ARL15: variants seen among roughly 807,000 people sequenced by gnomAD.
The protein encoded by ARL15 is ARF like GTPase 15, also known as ADP-ribosylation factor-like protein 15.
In ARL15, 19 loss-of-function variants were observed where a neutral mutation model predicts 25.2. The ratio of observed to expected loss-of-function variants is 0.75; its 90% CI spans 0.53 to 1.10. The LOEUF (loss-of-function observed/expected upper bound fraction) is 1.10, where lower values mean the gene tolerates loss of function less well. ARL15 is among the 50% of genes least tolerant of loss of function. The pLI, the probability that ARL15 is intolerant of heterozygous loss-of-function variation, is 0.00. For synonymous variants in ARL15, 94 were observed against 86.8 expected (o/e 1.08, Z -0.46); for missense variants, 220 against 246.0 (o/e 0.89, Z 0.71).
intron 1 of ARL15, among the ~76,000 whole-genome samples, chr5:54,191,555 T>C (rs1006967808): frequency 2.0e-5 from 3 of 152,136 alleles, no homozygotes; most frequent in African/African-American, 7.2e-5. Context: ...CTCCTGAAAC[T>C]TTCCTCCTTA....
chr5:54,213,102 C>A (rs1756089674), intron 1 of ARL15, among the ~76,000 whole-genome samples: 1 of 152,110 alleles, frequency 6.6e-6, no homozygotes, highest in Non-Finnish European at 1.5e-5. Flanking sequence ...GTGGAGGATT[C>A]CCAGGCAGAA....
At chr5:54,306,631 T>G (rs1476028608) in intron 1 of ARL15, among the ~76,000 whole-genome samples, 1 of 152,188 alleles carries the variant, frequency 6.6e-6, no homozygotes, top group African/African-American at 2.4e-5. Context: ...CCTCAAGTGA[T>G]CCGCCTGTCT....
chr5:54,291,873 G>A (rs923617383), intron 1 of ARL15, among the ~76,000 whole-genome samples: 2 of 152,254 alleles, frequency 1.3e-5, no homozygotes, highest in Non-Finnish European at 2.9e-5. Context: ...CAGACCCTAC[G>A]GAATCTTAAC....
Position 53,922,589 on chromosome 5 carries a change from C to A in ARL15, c.463-35876G>T, listed in dbSNP as rs1473577084. Among the ~76,000 whole-genome samples the A allele has an allele frequency of 2.6e-5, 4 of 152,158 alleles. No homozygotes were observed. The East Asian group carries it at 7.7e-4, about 29-fold the overall frequency. On this transcript the variant is annotated intron_variant, in intron 4 of 4. Coordinates refer to ENST00000504924, the MANE Select transcript of ARL15 (RefSeq NM_019087.3). ...TAGTGCAGTTCTAGAGGCTCTCTAC[C>A]AAGCCAGGAATTACTGCTTTGGTTG... is the stretch of plus-strand genomic sequence containing the variant.
chr5:54,310,359 G>T, intron 1 of ARL15, 73 bp downstream of exon 1: 1 of 1,497,658 alleles, frequency 6.7e-7, no homozygotes, highest in Middle Eastern at 1.7e-4. Context: ...CAAAAAGGCT[G>T]CTCCTCAAGG....
chr5:54,253,205 T>C (rs908162673), intron 1 of ARL15, among the ~76,000 whole-genome samples: 24 of 152,150 alleles, frequency 1.6e-4, no homozygotes, highest in Admixed American at 5.2e-4. Context: ...AGCACTCAAA[T>C]AGCAAGTGGC....
intron 4 of ARL15, among the ~76,000 whole-genome samples, chr5:53,954,009 A>G (rs750598479): frequency 2.0e-4 from 30 of 151,832 alleles, no homozygotes; most frequent in Admixed American, 5.9e-4. Context: ...TCAAAACCTG[A>G]GATTATTGAT....
intron 4 of ARL15, among the ~76,000 whole-genome samples, chr5:54,108,374 AG>A (rs1445128736): frequency 1.3e-5 from 2 of 152,270 alleles, no homozygotes; most frequent in Admixed American, 1.3e-4. Context: ...CTCACACCAT[AG>A]GTATGTACAC....
chr5:54,145,618 G>T (rs1753882954), intron 3 of ARL15, among the ~76,000 whole-genome samples: 1 of 152,126 alleles, frequency 6.6e-6, no homozygotes, highest in Admixed American at 6.5e-5. Context: ...TGGTGTGTGT[G>T]TGTGTGTGCG....
rs139047712 is a variant in ARL15, at chr5:54,107,402, A to G, written c.462+5800T>C. ...AAAAAGGAATCCGATGCACATTAAC[A>G]TAGAAGATCTGTGGAATTACATTCG... On this transcript the variant is annotated intron_variant, in intron 4 of 4. Transcript: ENST00000504924. Among the ~76,000 whole-genome samples the G allele has an allele frequency of 4.2e-3, 641 of 152,316 alleles. 4 individuals are homozygous for G. Among genetic ancestry groups the G allele is most frequent in the African/African-American group, 0.014 (599 of 41,588 alleles).
intron 4 of ARL15, among the ~76,000 whole-genome samples, chr5:54,068,850 C>CT (rs1751327265): frequency 6.6e-6 from 1 of 152,180 alleles, no homozygotes; most frequent in African/African-American, 2.4e-5. Context: ...TTCTGGAGCT[C>CT]ACTTCACTGC....
chr5:54,232,878 T>G (rs2112558718), intron 1 of ARL15, among the ~76,000 whole-genome samples: 1 of 152,314 alleles, frequency 6.6e-6, no homozygotes, highest in Non-Finnish European at 1.5e-5. Flanking sequence ...AGTTCTATGC[T>G]TCTCCTAGTC....
At chr5:54,079,123 G>A (rs1751708099) in intron 4 of ARL15, among the ~76,000 whole-genome samples, 1 of 152,046 alleles carries the variant, frequency 6.6e-6, no homozygotes. Context: ...TAAATGATCA[G>A]AATAAAGTCA....
At chr5:54,188,117 T>TA (rs1426781818) in intron 1 of ARL15, among the ~76,000 whole-genome samples, 3 of 151,730 alleles carry the variant, frequency 2.0e-5, no homozygotes, top group Non-Finnish European at 2.9e-5. Flanking sequence ...ACAACAAGAA[T>TA]AAAAAAAACT....
intron 4 of ARL15, among the ~76,000 whole-genome samples, chr5:54,085,907 C>T (rs1340347976): frequency 6.7e-6 from 1 of 148,372 alleles, no homozygotes; most frequent in East Asian, 2.0e-4. Flanking sequence ...GCTCCAGGCA[C>T]CACACATGAG....
At chr5:54,244,916 A>G (rs890744829) in intron 1 of ARL15, among the ~76,000 whole-genome samples, 9 of 152,126 alleles carry the variant, frequency 5.9e-5, no homozygotes, top group Non-Finnish European at 1.0e-4. Flanking sequence ...TAATTTTAAT[A>G]TTAATATCAA....
chr5:54,205,163 C>A (rs1755833378), intron 1 of ARL15, among the ~76,000 whole-genome samples: 1 of 152,096 alleles, frequency 6.6e-6, no homozygotes, highest in Admixed American at 6.6e-5. Context: ...ACTGCAATGG[C>A]ATGAAGAGCG....
chr5:53,984,345 G>A (rs1311972443), intron 4 of ARL15, among the ~76,000 whole-genome samples: 1 of 151,866 alleles, frequency 6.6e-6, no homozygotes, highest in Non-Finnish European at 1.5e-5. Context: ...ATAAACCCTG[G>A]CTCTCAGTTT....
At chr5:54,113,695 T>C (rs939800344) in intron 3 of ARL15, among the ~76,000 whole-genome samples, 2 of 152,184 alleles carry the variant, frequency 1.3e-5, no homozygotes, top group Non-Finnish European at 2.9e-5. Context: ...CCAGGATAAA[T>C]ACTTCCTAGA....
Sources: allele counts gnomAD v4.1 joint callset (sites outside exome capture counted in the v4.1 genomes callset), GRCh38; gene constraint gnomAD v4.1.1; transcripts MANE v1.5; gene names NCBI Gene and HGNC (gene_info 2026-07-23, HGNC 2026-07-21).